The following CHST6 variants were observed in gnomAD, a reference collection of about 807,000 sequenced individuals.
CHST6 encodes the protein N-acetylglucosamine 6-O-sulfotransferase 5.
For synonymous variants in CHST6, 309 were observed against 276.4 expected, an observed-to-expected ratio of 1.12 and a Z score of -1.17; for missense variants, 698 against 586.2, an observed-to-expected ratio of 1.19 and a Z score of -1.97.
intron 1 of CHST6, among the ~76,000 whole-genome samples, chr16:75,483,127 T>G (rs2080160689): frequency 6.6e-6 from 1 of 152,180 alleles, no homozygotes; most frequent in Admixed American, 6.5e-5. Flanking sequence ...ATTTTTCAGG[T>G]GAAAGACTCA....
chr16:75,479,688 G>A lies in CHST6; in HGVS notation c.141C>T (p.Ser47=). 1 of 1,612,272 alleles carries A rather than the reference G, an allele frequency of 6.2e-7. No individual in the cohort carries two copies. Among genetic ancestry groups the A allele is most frequent in the Non-Finnish European group, 8.5e-7 (1 of 1,179,534 alleles). ...GEARVHVLVL[S]SWRSGSSFVG... ...CGAAGGACGAGCCCGAGCGCCACGA[G>A]GACAGCACCAGCACATGCACGCGCG... Residue 47 remains serine, a synonymous_variant, in exon 3 of 3, where the codon TCC becomes TCT. Transcript: ENST00000332272.
chr16:75,474,653 T>A lies in CHST6; in HGVS notation c.*3988A>T, dbSNP rs556390389. 25 of 398,934 alleles carry A rather than the reference T, an allele frequency of 6.3e-5. No homozygotes were observed. The highest frequency in any genetic ancestry group is 5.1e-4 in the African/African-American group (25 of 48,748). 24.7% of individuals were successfully genotyped at this position (398,934 alleles called of 1,614,324 possible). ...GAAGCCCAAGATCAAGGAGCCAGCA[T>A]CTAGCGAGAGCCTTCTTGCTGTGTC... On this transcript the variant is annotated 3_prime_UTR_variant, in exon 3 of 3. Transcript: ENST00000332272.
intron 1 of CHST6, among the ~76,000 whole-genome samples, chr16:75,490,339 A>C (rs770276844): frequency 2.6e-5 from 4 of 151,486 alleles, no homozygotes; most frequent in Non-Finnish European, 5.9e-5. Flanking sequence ...TTAGCCAGGC[A>C]TGGTGGCGCA....
Position 75,479,366 on chromosome 16 carries a change from G to T in CHST6, c.463C>A (p.Arg155=), listed in dbSNP as rs764185619. 1.9e-6 allele frequency: 3 copies of T among 1,612,610 alleles called. No individual in the cohort carries two copies. The highest frequency in any genetic ancestry group is 2.5e-6 in the Non-Finnish European group (3 of 1,179,724). ...TCCCGGGCCAGGGTGAAGGACTGCC[G>T]CGCGCACAGTGGCTTGCACACGGCC... ...SEAVCKPLCA[R]QSFTLAREAC... Residue 155 remains arginine, a synonymous_variant, in exon 3 of 3, where the codon CGG becomes AGG. Coordinates refer to ENST00000332272, the MANE Select transcript of CHST6 (RefSeq NM_021615.5).
chr16:75,473,042 G>C lies in CHST6; in HGVS notation c.*5599C>G, dbSNP rs2080033509. On this transcript the variant is annotated 3_prime_UTR_variant, in exon 3 of 3. Transcript: ENST00000332272. The stretch of plus-strand genomic sequence containing the variant: ...GGAGCCTGGACCCTGGTGGAAATTG[G>C]AAGCTGCAGGTGCCAGGAGCCCTCC... 2.0e-5 allele frequency: 3 copies of C among 152,250 alleles called. No homozygotes were observed. The highest frequency in any genetic ancestry group is 2.0e-4 in the Admixed American group (3 of 15,280). The allele number at this position is 152,250 out of a possible 1,614,324, so 9.4% of individuals were successfully genotyped here.
At position 75,478,651 on chromosome 16, in the gene CHST6, G is replaced by A. The variant is rs1344365411; in HGVS notation, c.1178C>T (p.Pro393Leu). ...CAACTGTGGCCTCCACTAATTTCGG[G>A]GGTGCGAGGCGGTGGATGATGCCCA... ...FTWASSTASHPRN is the reference protein window; with the variant it reads ...FTWASSTASHLRN Residue 393 changes from proline (P) to leucine (L), a missense_variant, in exon 3 of 3, where the codon CCC becomes CTC. By Grantham distance (98) the Pro-to-Leu change is moderately conservative. Transcript: ENST00000332272. The A allele has an allele frequency of 6.2e-7, 1 of 1,613,562 alleles. No homozygotes were observed. Among genetic ancestry groups the A allele is most frequent in the South Asian group, 1.1e-5 (1 of 91,078 alleles).
rs774937159 is a variant in CHST6, at chr16:75,479,078, G to A, written c.751C>T (p.Arg251Cys). The A allele has an allele frequency of 2.5e-6, 4 of 1,605,732 alleles. No homozygotes were observed. The highest frequency in any genetic ancestry group is 4.5e-5 in the East Asian group (2 of 44,874). ...TTGAGTGTGGCGGCCTCGGCGATGC[G>A]TACGTGGCTACGGCACACCTCGCGC... ...VVREVCRSHVRIAEAATLKPP... is the reference protein window; with the variant it reads ...VVREVCRSHVCIAEAATLKPP... The change falls in exon 3 of 3, where the codon CGC becomes TGC. Residue 251 changes from arginine to cysteine, a missense_variant. Transcript: ENST00000332272.
At chr16:75,480,508 C>T (rs1489165484) in intron 2 of CHST6, among the ~76,000 whole-genome samples, 1 of 150,948 alleles carries the variant, frequency 6.6e-6, no homozygotes, top group Non-Finnish European at 1.5e-5. Flanking sequence ...ACAGGAGAGA[C>T]ATGTAGTAAT....
chr16:75,479,046 T>C lies in CHST6; in HGVS notation c.783A>G (p.Pro261=). 1 of 1,608,508 alleles carries C rather than the reference T, an allele frequency of 6.2e-7. No homozygotes were observed. The highest frequency in any genetic ancestry group is 2.2e-5 in the East Asian group (1 of 44,852). ...GGCGGTAGCGGCCGCGCAGAAAGGG[T>C]GGCGGCTTGAGTGTGGCGGCCTCGG... ...RIAEAATLKP[P]PFLRGRYRLV... The change falls in exon 3 of 3, where the codon CCA becomes CCG. Residue 261 remains proline, a synonymous_variant. Coordinates refer to ENST00000332272, the MANE Select transcript of CHST6 (RefSeq NM_021615.5).
Position 75,479,757 on chromosome 16 carries a change from A to G in CHST6, c.72T>C (p.Phe24=), listed in dbSNP as rs535850818. 1.9e-5 allele frequency: 31 copies of G among 1,601,200 alleles called. No homozygotes were observed. In the East Asian group the frequency reaches 6.3e-4, roughly 33 times the overall value. ...ACGAGGGCCCTGGCCGGGAAACCAG[A>G]AAGAGGAGGAGGAAGGTCTGCGCCA... ...LLLAQTFLLL[F]LVSRPGPSSP... is the part of the protein sequence containing the mutation. The change falls in exon 3 of 3, where the codon TTT becomes TTC. Residue 24 remains phenylalanine, a synonymous_variant. Transcript: ENST00000332272.
At chr16:75,479,976 G>C in intron 2 of CHST6, 132 bp from the exon 3 acceptor site, 1 of 753,976 alleles carries the variant, frequency 1.3e-6, no homozygotes, top group Non-Finnish European at 2.1e-6. Flanking sequence ...GTCTCAGTGG[G>C]GAGCTCTCCC....
At chr16:75,493,663 C>T (rs74024796) in intron 1 of CHST6, among the ~76,000 whole-genome samples, 5,870 of 152,198 alleles carry the variant, frequency 0.039, 185 homozygotes, top group African/African-American at 0.088. Context: ...AGCAATCTTC[C>T]TTCCTGGGCC....
chr16:75,479,115 G>A lies in CHST6; in HGVS notation c.714C>T (p.Gly238=). 2 of 1,605,182 alleles carry A rather than the reference G, an allele frequency of 1.2e-6. No individual in the cohort carries two copies. Among genetic ancestry groups the A allele is most frequent in the Non-Finnish European group, 1.7e-6 (2 of 1,178,688 alleles). The change falls in exon 3 of 3, where the codon GGC becomes GGT. Residue 238 remains glycine, a synonymous_variant. Transcript: ENST00000332272. ...GGCACACCTCGCGCACCACGCGCAG[G>A]CCGGGGTCGGCCTCCACCCACGTGC... is the stretch of plus-strand genomic sequence containing the variant. The part of the protein sequence containing the change: ...TNGTWVEADP[G]LRVVREVCRS...
Position 75,478,575 on chromosome 16 carries a change from C to T in CHST6, c.*66G>A. 1 of 1,542,388 alleles carries T rather than the reference C, an allele frequency of 6.5e-7. No homozygotes were observed. The highest frequency in any genetic ancestry group is 9.0e-7 in the Non-Finnish European group (1 of 1,115,900). ...ATATAGGGACCTGCTTCTCCGTGCG[C>T]CCCAGCCCCCTCTGCACCATGCACT... On this transcript the variant is annotated 3_prime_UTR_variant, in exon 3 of 3. Coordinates refer to ENST00000332272, the MANE Select transcript of CHST6 (RefSeq NM_021615.5).
chr16:75,478,178 C>A lies in CHST6; in HGVS notation c.*463G>T. The stretch of plus-strand genomic sequence containing the variant: ...TCTCACCATGTGATTTCAGACAAGT[C>A]CTTTCACTTCCGAGTTTTGCCATGT... On this transcript the variant is annotated 3_prime_UTR_variant, in exon 3 of 3. Coordinates refer to ENST00000332272, the MANE Select transcript of CHST6 (RefSeq NM_021615.5). 4.8e-6 allele frequency: 1 copy of A among 207,880 alleles called. No homozygotes were observed. Among genetic ancestry groups the A allele is most frequent in the Non-Finnish European group, 9.9e-6 (1 of 101,272 alleles). 12.9% of individuals were successfully genotyped at this position (207,880 alleles called of 1,614,324 possible).
rs1330749212 is a variant in CHST6, at chr16:75,495,226, G to C, written c.-378C>G. 1 of 152,520 alleles carries C rather than the reference G, an allele frequency of 6.6e-6. No homozygotes were observed. Among genetic ancestry groups the C allele is most frequent in the Non-Finnish European group, 1.5e-5 (1 of 68,284 alleles). 9.4% of individuals were successfully genotyped at this position (152,520 alleles called of 1,614,324 possible). On this transcript the variant is annotated 5_prime_UTR_variant, in exon 1 of 3. Coordinates refer to ENST00000332272, the MANE Select transcript of CHST6 (RefSeq NM_021615.5). Reference sequence around the variant, plus strand: ...GAGACTCGAGGTAGAACGAATGTGGGAACAGGGCAGGAGTCCCAGAATGGG... The same window carrying C: ...GAGACTCGAGGTAGAACGAATGTGGCAACAGGGCAGGAGTCCCAGAATGGG...
Position 75,475,703 on chromosome 16 carries a change from G to A in CHST6, c.*2938C>T, listed in dbSNP as rs2080059279. Reference sequence around the variant, plus strand: ...GCCCATGCGCAGAGAGCAAATTCAGGAGCCAGTCAAGCATGTCCTGACACC... The same window carrying A: ...GCCCATGCGCAGAGAGCAAATTCAGAAGCCAGTCAAGCATGTCCTGACACC... On this transcript the variant is annotated 3_prime_UTR_variant, in exon 3 of 3. Coordinates refer to ENST00000332272, the MANE Select transcript of CHST6 (RefSeq NM_021615.5). The A allele has an allele frequency of 6.6e-6, 1 of 152,228 alleles. No individual in the cohort carries two copies. Among genetic ancestry groups the A allele is most frequent in the South Asian group, 2.1e-4 (1 of 4,832 alleles). The allele number at this position is 152,228 out of a possible 1,614,324, so 9.4% of individuals were successfully genotyped here. A position where few individuals can be genotyped will look rare whatever the true frequency, so the allele number is the denominator to read the frequency against.
intron 1 of CHST6, among the ~76,000 whole-genome samples, chr16:75,494,693 A>T (rs1285415891): frequency 6.6e-6 from 1 of 152,208 alleles, no homozygotes; most frequent in Non-Finnish European, 1.5e-5. Context: ...ATCGAGACAA[A>T]AGGGGTTCTC....
In CHST6 at chr16:75,479,338, G is replaced by A; in HGVS notation, c.491C>T (p.Ala164Val). The change falls in exon 3 of 3, where the codon GCC becomes GTC. Residue 164 changes from alanine to valine, a missense_variant. Physicochemically the swap from Ala to Val is moderately conservative, Grantham distance 64 (BLOSUM62 0). Coordinates refer to ENST00000332272, the MANE Select transcript of CHST6 (RefSeq NM_021615.5). ...CACCACGTGGCTGTAGGAGCGGCAG[G>A]CCTCCCGGGCCAGGGTGAAGGACTG... is the stretch of plus-strand genomic sequence containing the variant. Reference protein sequence around the residue: ...ARQSFTLAREACRSYSHVVLK... With the variant: ...ARQSFTLAREVCRSYSHVVLK... The A allele has an allele frequency of 6.2e-7, 1 of 1,612,752 alleles. No homozygotes were observed. Among genetic ancestry groups the A allele is most frequent in the Non-Finnish European group, 8.5e-7 (1 of 1,179,734 alleles).
Sources: allele counts gnomAD v4.1 joint callset (sites outside exome capture counted in the v4.1 genomes callset), GRCh38; gene constraint gnomAD v4.1.1; transcripts MANE v1.5; gene names NCBI Gene and HGNC (gene_info 2026-07-23, HGNC 2026-07-21).